MCTP1: variants seen among roughly 807,000 people sequenced by gnomAD.
MCTP1 encodes multiple C2 and transmembrane domain containing 1, also known as multiple C2 and transmembrane domain-containing protein 1.
A neutral mutation model predicts 120.6 loss-of-function variants in MCTP1; 69 were observed. The ratio of observed to expected loss-of-function variants is 0.57; its 90% confidence interval spans 0.47 to 0.70. The LOEUF (loss-of-function observed/expected upper bound fraction) is 0.70, where lower values mean the gene tolerates loss of function less well. Among genes scored for constraint, MCTP1 ranks in the 30% least tolerant of loss-of-function variants. The probability of loss-of-function intolerance (pLI) is 0.00; values close to 1 mark genes in which losing one functional copy is unlikely to be tolerated. For missense variants in MCTP1, 1,203 were observed against 1,248.8 expected, an observed-to-expected ratio of 0.96 and a Z score of 0.55; for synonymous variants, 529 against 493.1, an observed-to-expected ratio of 1.07 and a Z score of -0.96.
chr5:95,271,886 AC>A (rs1482536479), intron 1 of MCTP1, among the ~76,000 whole-genome samples: 2 of 152,154 alleles, frequency 1.3e-5, no homozygotes, highest in African/African-American at 2.4e-5. Flanking sequence ...TGGTTTACTA[AC>A]CACAAATGCC....
At chr5:94,881,731 A>T (rs1800123686) in intron 12 of MCTP1, among the ~76,000 whole-genome samples, 1 of 152,142 alleles carries the variant, frequency 6.6e-6, no homozygotes. Context: ...ATATATGATA[A>T]TTCTTGCACC....
At chr5:95,258,325 A>G (rs966154995) in intron 1 of MCTP1, among the ~76,000 whole-genome samples, 2 of 152,212 alleles carry the variant, frequency 1.3e-5, no homozygotes, top group Non-Finnish European at 2.9e-5. Flanking sequence ...CCAAAAACCC[A>G]TGACTCCAGT....
intron 1 of MCTP1, among the ~76,000 whole-genome samples, chr5:95,201,645 T>C (rs1484156605): frequency 6.6e-6 from 1 of 151,434 alleles, no homozygotes; most frequent in Non-Finnish European, 1.5e-5. Context: ...GCTGGGATTA[T>C]AGGTGCCCGC....
At chr5:95,164,007 T>C (rs2152481302) in intron 1 of MCTP1, among the ~76,000 whole-genome samples, 1 of 152,332 alleles carries the variant, frequency 6.6e-6, no homozygotes, top group East Asian at 1.9e-4. Context: ...AATTGGTAAT[T>C]ATTTGAAATT....
At chr5:94,742,768 A>G (rs1765813054) in intron 19 of MCTP1, among the ~76,000 whole-genome samples, 1 of 152,226 alleles carries the variant, frequency 6.6e-6, no homozygotes, top group African/African-American at 2.4e-5. Flanking sequence ...TTGAGGAAGT[A>G]AAGTCTATGT....
At chr5:95,029,155 C>CAA (rs5869665) in intron 1 of MCTP1, among the ~76,000 whole-genome samples, 4,747 of 135,794 alleles carry the variant, frequency 0.035, 98 homozygotes, top group Non-Finnish European at 0.041. Context: ...GACTCCATCT[C>CAA]AAAAAAAAAA....
intron 1 of MCTP1, among the ~76,000 whole-genome samples, chr5:95,120,795 C>T (rs558700154): frequency 3.3e-5 from 5 of 152,294 alleles, no homozygotes; most frequent in Non-Finnish European, 7.4e-5. Flanking sequence ...TGCTCATTTT[C>T]ATGACTGTTA....
intron 17 of MCTP1, among the ~76,000 whole-genome samples, chr5:94,840,788 C>T (rs1011474039): frequency 2.0e-5 from 3 of 152,142 alleles, no homozygotes; most frequent in Non-Finnish European, 2.9e-5. Context: ...ATAGTCTAGA[C>T]AACAATATCT....
At chr5:95,058,458 C>G (rs1340698691) in intron 1 of MCTP1, among the ~76,000 whole-genome samples, 1 of 152,204 alleles carries the variant, frequency 6.6e-6, no homozygotes, top group East Asian at 1.9e-4. Context: ...CTGTACCACA[C>G]ACCTTACGAC....
At chr5:94,790,933 C>A (rs746351381) in intron 18 of MCTP1, among the ~76,000 whole-genome samples, 5 of 151,888 alleles carry the variant, frequency 3.3e-5, no homozygotes, top group Non-Finnish European at 5.9e-5. Flanking sequence ...CAGAAAGGGA[C>A]CCAAAAATTT....
chr5:94,990,157 T>C (rs2153613725), intron 2 of MCTP1, among the ~76,000 whole-genome samples: 1 of 152,278 alleles, frequency 6.6e-6, no homozygotes, highest in Non-Finnish European at 1.5e-5. Context: ...GGGGCAATCA[T>C]GTGGAGCTGA....
At chr5:95,139,204 G>C (rs544945587) in intron 1 of MCTP1, among the ~76,000 whole-genome samples, 1 of 152,182 alleles carries the variant, frequency 6.6e-6, no homozygotes, top group South Asian at 2.1e-4. Context: ...AAAATTAATG[G>C]ATGCATGCTA....
chr5:95,179,235 T>C (rs1411487643), intron 1 of MCTP1, among the ~76,000 whole-genome samples: 2 of 152,082 alleles, frequency 1.3e-5, no homozygotes, highest in Non-Finnish European at 2.9e-5. Context: ...AGAAGAGAAA[T>C]CTAAAAGTCT....
intron 2 of MCTP1, among the ~76,000 whole-genome samples, chr5:95,005,466 C>A (rs1834532869): frequency 2.0e-5 from 3 of 152,028 alleles, no homozygotes; most frequent in Admixed American, 2.0e-4. Flanking sequence ...GCTCTGTGTC[C>A]CCACCCCAAT....
At chr5:95,072,718 A>G (rs572973567) in intron 1 of MCTP1, among the ~76,000 whole-genome samples, 1 of 148,304 alleles carries the variant, frequency 6.7e-6, no homozygotes, top group South Asian at 2.1e-4. Context: ...CTAGCTCCAA[A>G]TTTGGACTCT....
intron 2 of MCTP1, among the ~76,000 whole-genome samples, chr5:95,015,497 A>G (rs1312473837): frequency 6.6e-6 from 1 of 152,048 alleles, no homozygotes; most frequent in Non-Finnish European, 1.5e-5. Context: ...GCCATCTGTT[A>G]TTTACCTACA....
intron 18 of MCTP1, among the ~76,000 whole-genome samples, chr5:94,779,791 TTAAAA>T (rs1228993986): frequency 6.6e-6 from 1 of 152,170 alleles, no homozygotes; most frequent in African/African-American, 2.4e-5. Flanking sequence ...AAAATGAAAC[TTAAAA>T]TAATATATAA....
chr5:95,175,263 C>T (rs948315277), intron 1 of MCTP1, among the ~76,000 whole-genome samples: 4 of 152,150 alleles, frequency 2.6e-5, no homozygotes, highest in Admixed American at 6.5e-5. Flanking sequence ...TGAGCTGACA[C>T]GCTTCATTAT....
chr5:94,773,502 T>A (rs1182569381), intron 19 of MCTP1, among the ~76,000 whole-genome samples: 1 of 152,186 alleles, frequency 6.6e-6, no homozygotes, highest in Non-Finnish European at 1.5e-5. Flanking sequence ...AATAGATATA[T>A]CATGATAGTC....
Sources: allele counts gnomAD v4.1 joint callset (sites outside exome capture counted in the v4.1 genomes callset), GRCh38; gene constraint gnomAD v4.1.1; transcripts MANE v1.5; gene names NCBI Gene and HGNC (gene_info 2026-07-23, HGNC 2026-07-21).